EXOC6B: variants seen among roughly 807,000 people sequenced by gnomAD.
EXOC6B encodes SEC15 homolog B.
Under a neutral mutation model 113.5 loss-of-function variants are expected in EXOC6B, and 54 were observed. That is an observed-to-expected ratio of 0.48 (90% CI 0.38 to 0.60). The LOEUF (loss-of-function observed/expected upper bound fraction) is 0.60. Among genes scored for constraint, EXOC6B ranks in the 20% least tolerant of loss-of-function variants. The pLI is 0.00. For missense variants in EXOC6B, 797 were observed against 977.5 expected (o/e 0.82, Z 2.46); for synonymous variants, 357 against 339.0 (o/e 1.05, Z -0.58).
chr2:72,182,785 G>T, intron 21 of EXOC6B: 1 of 762,504 alleles, frequency 1.3e-6, no homozygotes, highest in Non-Finnish European at 1.8e-6. Context: ...TGTCAGGGCG[G>T]GGACAACTCA....
At chr2:72,704,338 G>A (rs1335679008) in intron 6 of EXOC6B, among the ~76,000 whole-genome samples, 1 of 150,682 alleles carries the variant, frequency 6.6e-6, no homozygotes, top group Non-Finnish European at 1.5e-5. Context: ...GTGTGTAGAG[G>A]GAAATTTATA....
chr2:72,295,948 C>T (rs913270321), intron 20 of EXOC6B, among the ~76,000 whole-genome samples: 1 of 151,986 alleles, frequency 6.6e-6, no homozygotes, highest in Non-Finnish European at 1.5e-5. Flanking sequence ...GGAGCGTTTC[C>T]AGTAAGTACT....
Position 72,207,786 on chromosome 2 carries a change from A to G in EXOC6B, c.2197-23599T>C, listed in dbSNP as rs567344979. On this transcript the variant is annotated intron_variant, in intron 20 of 21. Transcript: ENST00000272427. ...AACAAGCTTTAGGTTTATCATCTCAATGATCCCTTTCTATCATAAAATACC... is the reference window on the plus strand; with the variant it reads ...AACAAGCTTTAGGTTTATCATCTCAGTGATCCCTTTCTATCATAAAATACC... Among the ~76,000 whole-genome samples, 3 of 152,318 alleles carry G rather than the reference A, an allele frequency of 2.0e-5. No homozygotes were observed. The South Asian group carries it at 6.2e-4, about 32-fold the overall frequency.
At chr2:72,669,158 A>G (rs1002012089) in intron 6 of EXOC6B, among the ~76,000 whole-genome samples, 1 of 152,068 alleles carries the variant, frequency 6.6e-6, no homozygotes. Context: ...TCACATTCAA[A>G]TATGGAAAAA....
At chr2:72,697,444 T>G (rs1677976201) in intron 6 of EXOC6B, among the ~76,000 whole-genome samples, 1 of 152,068 alleles carries the variant, frequency 6.6e-6, no homozygotes, top group Non-Finnish European at 1.5e-5. Flanking sequence ...CCAGAACTTT[T>G]GGAAGCCAAG....
chr2:72,435,064 C>T (rs776648831), intron 18 of EXOC6B, among the ~76,000 whole-genome samples: 19 of 152,202 alleles, frequency 1.2e-4, no homozygotes, highest in Non-Finnish European at 2.6e-4. Context: ...TTTTCCTCTA[C>T]ACACTGCTTT....
intron 20 of EXOC6B, among the ~76,000 whole-genome samples, chr2:72,188,572 G>A (rs770841247): frequency 2.0e-4 from 30 of 152,176 alleles, no homozygotes; most frequent in Non-Finnish European, 3.7e-4. Flanking sequence ...ATAAAACAGT[G>A]TTAGAATGAA....
At chr2:72,750,168 G>C (rs1419077982) in intron 1 of EXOC6B, among the ~76,000 whole-genome samples, 2 of 151,850 alleles carry the variant, frequency 1.3e-5, no homozygotes, top group African/African-American at 4.8e-5. Context: ...GTAAGTGGTT[G>C]TTTGCTGATA....
intron 6 of EXOC6B, among the ~76,000 whole-genome samples, chr2:72,679,664 G>A (rs1676550770): frequency 6.6e-6 from 1 of 152,108 alleles, no homozygotes; most frequent in Non-Finnish European, 1.5e-5. Flanking sequence ...AAAGCAAAGT[G>A]TGCATTCATA....
intron 8 of EXOC6B, among the ~76,000 whole-genome samples, chr2:72,528,822 G>T (rs1410280582): frequency 2.0e-5 from 3 of 151,746 alleles, no homozygotes; most frequent in Non-Finnish European, 4.4e-5. Context: ...TTAAATTTTG[G>T]TATCTACATA....
intron 18 of EXOC6B, among the ~76,000 whole-genome samples, chr2:72,440,342 G>A (rs574113590): frequency 2.6e-5 from 4 of 152,322 alleles, no homozygotes; most frequent in South Asian, 4.1e-4. Context: ...CAGACTAACA[G>A]TGAAACTCTC....
chr2:72,722,810 T>C (rs533871562), intron 5 of EXOC6B, among the ~76,000 whole-genome samples: 2 of 152,296 alleles, frequency 1.3e-5, no homozygotes, highest in East Asian at 3.9e-4. Flanking sequence ...TTTGGAACAT[T>C]GTTTATAGAA....
chr2:72,421,899 T>C (rs1464663740), intron 18 of EXOC6B, among the ~76,000 whole-genome samples: 1 of 152,174 alleles, frequency 6.6e-6, no homozygotes, highest in African/African-American at 2.4e-5. Flanking sequence ...GTGGGCATGG[T>C]CTTGGCGGCC....
rs748690250 is a variant in EXOC6B at position 72,718,219 on chromosome 2, C to T, written c.553G>A (p.Asp185Asn). 2.5e-6 allele frequency: 4 copies of T among 1,613,670 alleles called. No homozygotes were observed. The highest frequency in any genetic ancestry group is 2.2e-5 in the South Asian group (2 of 91,082). Reference sequence around the variant, plus strand: ...TCTTCTCGAAGCTTGGGGATGTTGTCCACCATCACCTTGCAGAATCGATAG... The same window carrying T: ...TCTTCTCGAAGCTTGGGGATGTTGTTCACCATCACCTTGCAGAATCGATAG... ...SHYRFCKVMV[D>N]NIPKLREEIK... The change falls in exon 6 of 22, where the codon GAC (aspartate) becomes AAC (asparagine). Residue 185 changes from aspartate to asparagine, a missense_variant. Coordinates refer to ENST00000272427, the MANE Select transcript of EXOC6B (RefSeq NM_015189.3).
intron 8 of EXOC6B, among the ~76,000 whole-genome samples, chr2:72,541,882 C>T (rs1301836741): frequency 1.3e-5 from 2 of 152,124 alleles, no homozygotes; most frequent in African/African-American, 4.8e-5. Context: ...TCATGTTGCC[C>T]AGGCTGGTCT....
intron 19 of EXOC6B, among the ~76,000 whole-genome samples, chr2:72,341,986 AAAT>A (rs923954647): frequency 1.3e-5 from 2 of 152,148 alleles, no homozygotes; most frequent in East Asian, 3.8e-4. Flanking sequence ...ATACACTTCT[AAAT>A]AACCAATGGG....
chr2:72,335,570 A>T (rs888208729), intron 19 of EXOC6B, among the ~76,000 whole-genome samples: 4 of 151,354 alleles, frequency 2.6e-5, no homozygotes, highest in African/African-American at 7.3e-5. Context: ...ACACACACAC[A>T]CACACACACA....
Position 72,578,791 on chromosome 2 carries a change from C to G in EXOC6B, c.670-3123G>C, listed in dbSNP as rs532357460. Among the ~76,000 whole-genome samples, 7 of 151,850 alleles carry G rather than the reference C, an allele frequency of 4.6e-5. No homozygotes were observed. The South Asian group carries it at 1.5e-3, about 32-fold the overall frequency. ...AGATAAATGAAAAAAGTAACCATTC[C>G]AGAAGAATGAAGCAGCAGGAGAAGG... On this transcript the variant is annotated intron_variant, in intron 6 of 21. Transcript: ENST00000272427.
intron 15 of EXOC6B, 51 bp downstream of exon 15, chr2:72,495,379 A>G: frequency 1.0e-6 from 1 of 993,432 alleles, no homozygotes. Context: ...ATGTAAATAC[A>G]TGGAGTCACA....
Sources: allele counts gnomAD v4.1 joint callset (sites outside exome capture counted in the v4.1 genomes callset), GRCh38; gene constraint gnomAD v4.1.1; transcripts MANE v1.5; gene names NCBI Gene and HGNC (gene_info 2026-07-23, HGNC 2026-07-21).